Variants in CHRDL2 observed in about 807,000 individuals in gnomAD.
CHRDL2 encodes the protein chordin like 2.
A neutral mutation model predicts 54.3 loss-of-function variants in CHRDL2; 41 were observed. The ratio of observed to expected loss-of-function variants is 0.76; its 90% CI spans 0.59 to 0.98. The LOEUF (loss-of-function observed/expected upper bound fraction) is 0.98. CHRDL2 is among the 50% of genes least tolerant of loss of function. The pLI is 0.00. For missense variants in CHRDL2, 518 were observed against 562.4 expected (o/e 0.92, Z 0.80); for synonymous variants, 220 against 224.3 (o/e 0.98, Z 0.17).
At chr11:74,724,159 C>G (rs186290833) in intron 1 of CHRDL2, among the ~76,000 whole-genome samples, 10 of 152,330 alleles carry the variant, frequency 6.6e-5, no homozygotes, top group African/African-American at 2.4e-4. Flanking sequence ...CATGCCTGAG[C>G]TGGATCTTGG....
rs1367345824 is a variant in CHRDL2, at chr11:74,710,899, C to T, written c.382G>A (p.Glu128Lys). 2 of 1,614,132 alleles carry T rather than the reference C, an allele frequency of 1.2e-6. No individual in the cohort carries two copies. The highest frequency in any genetic ancestry group is 8.5e-7 in the Non-Finnish European group (1 of 1,180,016). ...TTGGGCAGGCGGGAGGGGAACAGCT[C>T]ATGGGCACTGAAGATCTCTCCGTGT... ...YQHGEIFSAH[E>K]LFPSRLPNQC... The change falls in exon 4 of 11, where the codon GAG (glutamate) becomes AAG (lysine). Residue 128 changes from glutamate (E) to lysine (K), a missense_variant. Physicochemically the swap from Glu to Lys is moderately conservative, Grantham distance 56. Coordinates refer to ENST00000376332, the MANE Select transcript of CHRDL2 (RefSeq NM_001278473.3).
chr11:74,715,163 G>T (rs1329428021), intron 2 of CHRDL2, among the ~76,000 whole-genome samples: 1 of 152,176 alleles, frequency 6.6e-6, no homozygotes, highest in Non-Finnish European at 1.5e-5. Flanking sequence ...TGCCTCTGGT[G>T]GGTAGACGTG....
chr11:74,710,884 G>A lies in CHRDL2; in HGVS notation c.397C>T (p.Arg133Cys), dbSNP rs1215037268. ...CAGAGGACACACTGGTTGGGCAGGC[G>A]GGAGGGGAACAGCTCATGGGCACTG... ...IFSAHELFPS[R>C]LPNQCVLCSC... The change falls in exon 4 of 11, where the codon CGC becomes TGC. Residue 133 changes from arginine to cysteine, a missense_variant. Arg to Cys is a radical substitution (Grantham distance 180). Transcript: ENST00000376332. 10 of 1,614,122 alleles carry A rather than the reference G, an allele frequency of 6.2e-6. No homozygotes were observed. Among genetic ancestry groups the A allele is most frequent in the Non-Finnish European group, 8.5e-6 (10 of 1,180,008 alleles).
chr11:74,701,606 T>C (rs1436610146), intron 9 of CHRDL2: 1 of 717,876 alleles, frequency 1.4e-6, no homozygotes, highest in African/African-American at 1.7e-5. Flanking sequence ...TGTGTGGCCT[T>C]GGGCCAGGTA....
chr11:74,725,463 G>A (rs2034559774), intron 1 of CHRDL2, among the ~76,000 whole-genome samples: 1 of 152,134 alleles, frequency 6.6e-6, no homozygotes, highest in South Asian at 2.1e-4. Context: ...ATGACAACAT[G>A]TACAAAAAGG....
intron 1 of CHRDL2, among the ~76,000 whole-genome samples, chr11:74,723,245 T>C (rs930718969): frequency 6.6e-6 from 1 of 152,184 alleles, no homozygotes; most frequent in Admixed American, 6.5e-5. Flanking sequence ...AAGGTCAGGA[T>C]TGAGGTTTCG....
At position 74,710,771 on chromosome 11, in the gene CHRDL2, A is replaced by G. The variant is rs1041102535; in HGVS notation, c.432+78T>C. 20 of 1,506,346 alleles carry G rather than the reference A, an allele frequency of 1.3e-5. No individual in the cohort carries two copies. In the African/African-American group the frequency reaches 2.5e-4, roughly 19 times the overall value. 93.3% of individuals were successfully genotyped at this position (1,506,346 alleles called of 1,614,324 possible). On this transcript the variant is annotated intron_variant, in intron 4 of 10. Coordinates refer to ENST00000376332, the MANE Select transcript of CHRDL2 (RefSeq NM_001278473.3). ...TTTGGCCAGGAGGAACAATCCCCCC[A>G]GTCCGCAGTCCAGGCTACTATGTTC... is the stretch of plus-strand genomic sequence containing the variant.
intron 6 of CHRDL2, among the ~76,000 whole-genome samples, chr11:74,705,803 GC>G (rs1254166514): frequency 1.3e-5 from 2 of 152,136 alleles, no homozygotes. Flanking sequence ...AGCAGGATGA[GC>G]TGGCAGAGGA....
chr11:74,713,608 A>G (rs1191166741), intron 2 of CHRDL2, 129 bp from the exon 3 acceptor site: 2 of 699,418 alleles, frequency 2.9e-6, no homozygotes, highest in African/African-American at 3.6e-5. Flanking sequence ...TTGGACTGAA[A>G]ACAATTAAGT....
intron 7 of CHRDL2, 74 bp downstream of exon 7, chr11:74,704,412 T>C (rs778426654): frequency 1.8e-4 from 248 of 1,385,436 alleles, no homozygotes; most frequent in Non-Finnish European, 2.3e-4. Context: ...GTTCAGGGGG[T>C]TGGGGGTGGG....
In CHRDL2 at chr11:74,703,482, TC is replaced by T. The variant is rs1438128055; in HGVS notation, c.768del (p.Lys257ArgfsTer36). The T allele has an allele frequency of 1.0e-5, 16 of 1,602,944 alleles. No individual in the cohort carries two copies. The highest frequency in any genetic ancestry group is 1.3e-5 in the Non-Finnish European group (15 of 1,173,462). On this transcript the variant is annotated frameshift_variant, in exon 8 of 11. Transcript: ENST00000376332. LOFTEE classifies it high-confidence loss of function. Reference sequence around the variant, plus strand: ...CACACCTCCCCGTGGGAGTACGTCTTCCCGCCATGCACACAGGCTGAATAAG... The same window carrying T: ...CACACCTCCCCGTGGGAGTACGTCTTCCGCCATGCACACAGGCTGAATAAG... ...EKHKKACVHG[G>X]KTYSHGEVWH...
At chr11:74,700,603 G>T (rs1006235261) in intron 9 of CHRDL2, among the ~76,000 whole-genome samples, 1 of 149,152 alleles carries the variant, frequency 6.7e-6, no homozygotes, top group African/African-American at 2.5e-5. Context: ...ACCTGCCCAG[G>T]GACTGATGGA....
In CHRDL2 at chr11:74,703,275, G is replaced by A. The variant is rs753054860; in HGVS notation, c.946+30C>T. The A allele has an allele frequency of 4.1e-5, 64 of 1,561,840 alleles. 1 individual carries two copies. The highest frequency in any genetic ancestry group is 9.6e-5 in the South Asian group (8 of 83,450). On this transcript the variant is annotated intron_variant, in intron 8 of 10. Transcript: ENST00000376332. ...AGACCCAGGGCTCACTCTGGCCAGC[G>A]CCCTCCTTGCTCCCAGTGCCCCTGT...
At chr11:74,706,623 C>A in intron 5 of CHRDL2, 81 bp from the exon 6 acceptor site, 1 of 1,348,228 alleles carries the variant, frequency 7.4e-7, no homozygotes, top group Non-Finnish European at 1.1e-6. Flanking sequence ...CACCTATAGG[C>A]TCTGTCCATT....
rs1364002192 is a variant in CHRDL2 at position 74,710,750 on chromosome 11, G to T, written c.432+99C>A. Reference sequence around the variant, plus strand: ...CCCTGAGCCCATTCATTTTGCTTTGGCCAGGAGGAACAATCCCCCCAGTCC... The same window carrying T: ...CCCTGAGCCCATTCATTTTGCTTTGTCCAGGAGGAACAATCCCCCCAGTCC... On this transcript the variant is annotated intron_variant, in intron 4 of 10. Transcript: ENST00000376332. The T allele has an allele frequency of 2.8e-6, 4 of 1,430,398 alleles. No individual in the cohort carries two copies. In the African/African-American group the frequency reaches 4.3e-5, roughly 15 times the overall value. 88.6% of individuals were successfully genotyped at this position (1,430,398 alleles called of 1,614,324 possible).
chr11:74,729,738 G>C (rs2034623946), intron 1 of CHRDL2, among the ~76,000 whole-genome samples: 1 of 152,218 alleles, frequency 6.6e-6, no homozygotes, highest in Non-Finnish European at 1.5e-5. Context: ...GCTGTGCCAT[G>C]TATGTCCTGG....
At chr11:74,715,838 C>T (rs1565155870) in intron 2 of CHRDL2, among the ~76,000 whole-genome samples, 1 of 150,656 alleles carries the variant, frequency 6.6e-6, no homozygotes, top group Admixed American at 6.6e-5. Context: ...ATTAGCCGGG[C>T]GTGGTGGTGC....
chr11:74,729,219 T>A (rs971273007), intron 1 of CHRDL2, among the ~76,000 whole-genome samples: 9 of 152,208 alleles, frequency 5.9e-5, no homozygotes, highest in African/African-American at 2.2e-4. Context: ...GAGGCAGGCA[T>A]GGAGGGCATC....
chr11:74,706,089 T>TA (rs2034001182), intron 6 of CHRDL2, among the ~76,000 whole-genome samples: 1 of 151,972 alleles, frequency 6.6e-6, no homozygotes, highest in East Asian at 1.9e-4. Flanking sequence ...AGGCAGGCTC[T>TA]AAAGAGCCAG....
Sources: gnomAD v4.1 joint callset for allele counts (sites outside exome capture counted in the v4.1 genomes callset) on GRCh38, gnomAD v4.1.1 for gene constraint, MANE v1.5 for transcripts, NCBI Gene and HGNC (gene_info 2026-07-23, HGNC 2026-07-21) for gene names.